The following FRY variants were observed in gnomAD, a reference collection of about 807,000 sequenced individuals.
FRY encodes protein furry homolog.
Under a neutral mutation model 348.4 loss-of-function variants are expected in FRY, and 128 were observed. The observed-to-expected ratio is 0.37, with a 90% confidence interval of 0.32 to 0.43. The LOEUF (loss-of-function observed/expected upper bound fraction) is 0.43, where lower values mean the gene tolerates loss of function less well. FRY is among the 20% of genes least tolerant of loss of function. FRY has a pLI of 1.00. For missense variants in FRY, 2,736 were observed against 3,695.2 expected, an observed-to-expected ratio of 0.74 and a Z score of 6.73; for synonymous variants, 1,370 against 1,374.7, an observed-to-expected ratio of 1.00 and a Z score of 0.08.
chr13:32,098,015 T>TA (rs1876867518), intron 2 of FRY, among the ~76,000 whole-genome samples: 1 of 152,088 alleles, frequency 6.6e-6, no homozygotes, highest in Admixed American at 6.5e-5. Context: ...TTGAAAAAAC[T>TA]GGACACCACT....
chr13:32,062,858 G>A (rs1469697578), intron 1 of FRY, among the ~76,000 whole-genome samples: 1 of 151,694 alleles, frequency 6.6e-6, no homozygotes, highest in African/African-American at 2.4e-5. Context: ...GTTACCATAT[G>A]TATTTTATAA....
Position 32,287,322 on chromosome 13 carries a change from A to G in FRY, c.8470-2311A>G, listed in dbSNP as rs1441807339. ...TATAGCAGTCCTATAAAATATTCTC[A>G]ATGTGCAAGGCAATCCAACTAAAGA... is the stretch of plus-strand genomic sequence containing the variant. On this transcript the variant is annotated intron_variant, in intron 58 of 60. Transcript: ENST00000542859. 2.6e-5 allele frequency among the ~76,000 whole-genome samples: 4 copies of G among 152,336 alleles called. No individual in the cohort carries two copies. The South Asian group carries it at 6.2e-4, about 24-fold the overall frequency.
rs1212215985 is a variant in FRY, at chr13:32,297,726, A to C, written c.*2266A>C. The stretch of plus-strand genomic sequence containing the variant: ...CAGCAGAGCCCAGCAATAACTTTAG[A>C]TCTACCAGTCAAATCTTGTCGGCTA... On this transcript the variant is annotated 3_prime_UTR_variant, in exon 61 of 61. Coordinates refer to ENST00000542859, the MANE Select transcript of FRY (RefSeq NM_023037.3). The C allele has an allele frequency of 6.6e-6, 1 of 152,222 alleles. No homozygotes were observed. The highest frequency in any genetic ancestry group is 1.9e-4 in the East Asian group (1 of 5,202). 9.4% of individuals were successfully genotyped at this position (152,222 alleles called of 1,614,324 possible). A position where few individuals can be genotyped will look rare whatever the true frequency, so the allele number is the denominator to read the frequency against.
At chr13:32,211,638 C>T (rs964408231) in intron 34 of FRY, among the ~76,000 whole-genome samples, 4 of 152,170 alleles carry the variant, frequency 2.6e-5, no homozygotes, top group Middle Eastern at 3.2e-3. Context: ...CTTCTTGTAT[C>T]TGGACCCTCC....
intron 2 of FRY, among the ~76,000 whole-genome samples, chr13:32,087,463 C>T (rs1414264860): frequency 6.6e-6 from 1 of 152,200 alleles, no homozygotes; most frequent in African/African-American, 2.4e-5. Flanking sequence ...GTAATAAGGA[C>T]ACTGGTGGCC....
At chr13:32,236,882 A>G (rs1886255080) in intron 43 of FRY, among the ~76,000 whole-genome samples, 1 of 152,214 alleles carries the variant, frequency 6.6e-6, no homozygotes, top group South Asian at 2.1e-4. Context: ...TATAGCAAGA[A>G]TGTTGACAAA....
chr13:32,050,031 T>C (rs1012326505), intron 1 of FRY, among the ~76,000 whole-genome samples: 1 of 152,240 alleles, frequency 6.6e-6, no homozygotes, highest in Non-Finnish European at 1.5e-5. Flanking sequence ...ATTGATTTAA[T>C]ATTCCAAATT....
At chr13:32,287,644 G>GT (rs11370075) in intron 58 of FRY, among the ~76,000 whole-genome samples, 43,548 of 152,040 alleles carry the variant, frequency 0.29, 6,470 homozygotes, top group African/African-American at 0.31. Flanking sequence ...TAAACATTAT[G>GT]TTTTTTCAGT....
In FRY at chr13:32,178,937, T is replaced by G; in HGVS notation, c.2775T>G (p.Val925=). ...WRNYLILCFG[V]AKPSIMSPGH... is the part of the protein sequence containing the mutation. ...ATTACCTAATTCTTTGTTTTGGAGTTGCAAAACCCAGTATTATGAGCCCAG... is the reference window on the plus strand; with the variant it reads ...ATTACCTAATTCTTTGTTTTGGAGTGGCAAAACCCAGTATTATGAGCCCAG... The change falls in exon 22 of 61, where the codon GTT becomes GTG. Residue 925 remains valine (V), a synonymous_variant. Transcript: ENST00000542859. 2 of 1,613,660 alleles carry G rather than the reference T, an allele frequency of 1.2e-6. No individual in the cohort carries two copies. Among genetic ancestry groups the G allele is most frequent in the Non-Finnish European group, 1.7e-6 (2 of 1,179,564 alleles).
chr13:32,278,547 A>G lies in FRY; in HGVS notation c.8468A>G (p.Lys2823Arg), dbSNP rs1401514146. The change falls in exon 58 of 61, where the codon AAG (lysine) becomes AGG (arginine). Residue 2823 changes from lysine to arginine, a missense_variant and splice_region_variant. Coordinates refer to ENST00000542859, the MANE Select transcript of FRY (RefSeq NM_023037.3). ...TGTCAACCAGGGGACTCCGAAGAAA[A>G]GGTAATAAAAGCCTGTTAGAATGGG... ...ITCQPGDSEE[K>R]QLELCQRLYK... The G allele has an allele frequency of 2.0e-6, 3 of 1,485,132 alleles. No individual in the cohort carries two copies. The highest frequency in any genetic ancestry group is 2.8e-6 in the Non-Finnish European group (3 of 1,062,526). 92.0% of individuals were successfully genotyped at this position (1,485,132 alleles called of 1,614,324 possible).
intron 27 of FRY, among the ~76,000 whole-genome samples, chr13:32,186,886 G>A (rs1883057620): frequency 1.3e-5 from 2 of 151,974 alleles, no homozygotes; most frequent in Non-Finnish European, 2.9e-5. Flanking sequence ...CTGTCATACA[G>A]AACATAAGTT....
intron 55 of FRY, among the ~76,000 whole-genome samples, chr13:32,268,508 ATATATATATATATAT>A (rs1888052231): frequency 9.7e-5 from 2 of 20,690 alleles, no homozygotes; most frequent in African/African-American, 2.0e-4. Flanking sequence ...AAAAAAAAAT[ATATATATATATATAT>A]ATATATATAT....
At chr13:32,148,949 A>G (rs2138139657) in intron 13 of FRY, among the ~76,000 whole-genome samples, 1 of 151,984 alleles carries the variant, frequency 6.6e-6, no homozygotes, top group South Asian at 2.1e-4. Flanking sequence ...TGTAGTTATC[A>G]TGTGACTGAG....
chr13:32,245,235 C>T (rs1463390690), intron 47 of FRY, among the ~76,000 whole-genome samples: 1 of 152,090 alleles, frequency 6.6e-6, no homozygotes. Context: ...GCATGAGCCA[C>T]CACGTCCAGC....
chr13:32,067,656 T>C (rs1030067863), intron 1 of FRY, among the ~76,000 whole-genome samples: 26 of 152,168 alleles, frequency 1.7e-4, no homozygotes, highest in African/African-American at 6.3e-4. Flanking sequence ...ACTTTTATAT[T>C]TCATAGAATA....
intron 3 of FRY, among the ~76,000 whole-genome samples, chr13:32,112,217 C>A (rs982809552): frequency 5.7e-4 from 87 of 151,980 alleles, no homozygotes; most frequent in African/African-American, 2.0e-3. Flanking sequence ...ATTAACTTAG[C>A]CTGTGATCTC....
At chr13:32,141,578 G>A (rs928318157) in intron 11 of FRY, among the ~76,000 whole-genome samples, 1 of 152,136 alleles carries the variant, frequency 6.6e-6, no homozygotes, top group African/African-American at 2.4e-5. Flanking sequence ...ACTTTCTGAG[G>A]TTCTGGTTCA....
chr13:32,062,033 A>C (rs1364271432), intron 1 of FRY, among the ~76,000 whole-genome samples: 2 of 152,132 alleles, frequency 1.3e-5, no homozygotes, highest in Non-Finnish European at 2.9e-5. Flanking sequence ...GTTGCTTGCT[A>C]ATTATTCCAC....
chr13:32,136,732 A>G (rs1364229349), intron 10 of FRY, 139 bp from the exon 11 acceptor site: 1 of 732,202 alleles, frequency 1.4e-6, no homozygotes, highest in African/African-American at 1.7e-5. Context: ...TCCACTGGGC[A>G]CTGTTGTGCT....
Sources: gnomAD v4.1 joint callset for allele counts (sites outside exome capture counted in the v4.1 genomes callset) on GRCh38, gnomAD v4.1.1 for gene constraint, MANE v1.5 for transcripts, NCBI Gene and HGNC (gene_info 2026-07-23, HGNC 2026-07-21) for gene names.